The following LZIC variants were observed in gnomAD, a reference collection of about 807,000 sequenced individuals.
LZIC encodes protein LZIC.
LZIC carries 28 observed loss-of-function variants against 25.4 expected under a neutral mutation model. That is an observed-to-expected ratio of 1.10 (90% CI 0.82 to 1.51). LZIC has a LOEUF of 1.51. Among genes scored for constraint, LZIC ranks in the 40% most tolerant of loss-of-function variants. The probability of loss-of-function intolerance (pLI) is 0.00; values close to 1 mark genes in which losing one functional copy is unlikely to be tolerated. For missense variants in LZIC, 170 were observed against 211.1 expected (o/e 0.81, Z 1.21); for synonymous variants, 65 against 70.7 (o/e 0.92, Z 0.40).
In LZIC at chr1:9,926,473, TAAC is replaced by T. The variant is rs1639989409; in HGVS notation, c.*3923_*3925del. On this transcript the variant is annotated 3_prime_UTR_variant, in exon 8 of 8. Transcript: ENST00000377223. ...TCAGAGAAGATCTAAAAATCAAAGT[TAAC>T]AACCCATTTGTCCCAACTCTAACTC... is the stretch of plus-strand genomic sequence containing the variant. 6.6e-6 allele frequency among the ~76,000 whole-genome samples: 1 copy of T among 152,210 alleles called. No individual in the cohort carries two copies. The highest frequency in any genetic ancestry group is 1.5e-5 in the Non-Finnish European group (1 of 68,048).
intron 2 of LZIC, among the ~76,000 whole-genome samples, chr1:9,938,480 G>A (rs147197382): frequency 1.1e-4 from 16 of 152,170 alleles, no homozygotes; most frequent in African/African-American, 3.9e-4. Context: ...CTTTTAATAT[G>A]AATTTCTTCT....
At chr1:9,925,194 C>T (rs545846997), downstream of LZIC, among the ~76,000 whole-genome samples, 234 of 151,504 alleles carry the variant, frequency 1.5e-3, 1 homozygote, top group African/African-American at 5.4e-3. Flanking sequence ...GACATGGTGG[C>T]GCATGCCTGT....
chr1:9,933,283 A>AT (rs1426441601), intron 5 of LZIC, among the ~76,000 whole-genome samples: 5 of 58,372 alleles, frequency 8.6e-5, no homozygotes, highest in Admixed American at 3.2e-4. Flanking sequence ...AAAAAAAAAA[A>AT]ATATATATAT....
At chr1:9,922,733 A>T (rs1019348473), downstream of LZIC, among the ~76,000 whole-genome samples, 3 of 152,238 alleles carry the variant, frequency 2.0e-5, no homozygotes, top group African/African-American at 7.2e-5. Context: ...GGATGCAGGC[A>T]GGCCTCAAAC....
chr1:9,933,881 G>A lies in LZIC; in HGVS notation c.336+881C>T, dbSNP rs1265465292. Among the ~76,000 whole-genome samples the A allele has an allele frequency of 3.3e-5, 5 of 151,256 alleles. No homozygotes were observed. The South Asian group carries it at 6.3e-4, about 19-fold the overall frequency. ...GATTGCATTACTACACTGAGCCTGG[G>A]TGACAAAGTAAGACCCTGCCTCAAA... On this transcript the variant is annotated intron_variant, in intron 5 of 7. Transcript: ENST00000377223.
chr1:9,934,611 C>G, intron 5 of LZIC, 151 bp downstream of exon 5: 1 of 686,082 alleles, frequency 1.5e-6, no homozygotes, highest in Non-Finnish European at 2.6e-6. Context: ...TCATTATCAA[C>G]TATAATTGCT....
Position 9,935,620 on chromosome 1 carries a change from G to C in LZIC, c.109C>G (p.Leu37Val), listed in dbSNP as rs910592921. ...LQDLEECREE[L>V]DTDEYEETKK... ...GTTTCTTCATATTCATCTGTATCAA[G>C]TTCCTCTCTGAAATAGGTGAACATC... The change falls in exon 4 of 8, where the codon CTT becomes GTT. Residue 37 changes from leucine (L) to valine (V), a missense_variant. By Grantham distance (32) the Leu-to-Val change is conservative (BLOSUM62 1). Coordinates refer to ENST00000377223, the MANE Select transcript of LZIC (RefSeq NM_032368.5). 6.3e-7 allele frequency: 1 copy of C among 1,599,862 alleles called. No homozygotes were observed. The highest frequency in any genetic ancestry group is 8.5e-7 in the Non-Finnish European group (1 of 1,176,644).
rs936850106 is a variant in LZIC at position 9,926,773 on chromosome 1, G to A, written c.*3626C>T. Among the ~76,000 whole-genome samples the A allele has an allele frequency of 9.9e-5, 15 of 152,182 alleles. No homozygotes were observed. The highest frequency in any genetic ancestry group is 9.2e-4 in the Admixed American group (14 of 15,254). On this transcript the variant is annotated 3_prime_UTR_variant, in exon 8 of 8. Transcript: ENST00000377223. Reference sequence around the variant, plus strand: ...GAATGTTGAAAGGTTAGCTGCCTTAGCTTTATTGCTGCCTATAATCTCCAA... The same window carrying A: ...GAATGTTGAAAGGTTAGCTGCCTTAACTTTATTGCTGCCTATAATCTCCAA...
intron 5 of LZIC, among the ~76,000 whole-genome samples, chr1:9,933,853 C>A (rs971675074): frequency 6.6e-6 from 1 of 151,746 alleles, no homozygotes; most frequent in Admixed American, 6.6e-5. Flanking sequence ...TACAGTGAGC[C>A]GAGATTGCAT....
chr1:9,931,978 C>T lies in LZIC; in HGVS notation c.433-6G>A. 6.2e-7 allele frequency: 1 copy of T among 1,603,918 alleles called. No homozygotes were observed. The highest frequency in any genetic ancestry group is 2.2e-5 in the East Asian group (1 of 44,446). On this transcript the variant is annotated splice_polypyrimidine_tract_variant and splice_region_variant and intron_variant, in intron 6 of 7. Coordinates refer to ENST00000377223, the MANE Select transcript of LZIC (RefSeq NM_032368.5). ...GCCTCATCATCTGCAGTCAGCTAAACAAAATGAAACAAAGTCCAGTTGAGT... is the reference window on the plus strand; with the variant it reads ...GCCTCATCATCTGCAGTCAGCTAAATAAAATGAAACAAAGTCCAGTTGAGT...
In LZIC at chr1:9,928,265, A is replaced by G. The variant is rs562204601; in HGVS notation, c.*2134T>C. Among the ~76,000 whole-genome samples, 1 of 152,178 alleles carries G rather than the reference A, an allele frequency of 6.6e-6. No homozygotes were observed. Among genetic ancestry groups the G allele is most frequent in the East Asian group, 2.0e-4 (1 of 5,120 alleles). ...GAGGCAGAAGTTGTGGTGAGCCGAG[A>G]TCACGCCATTGCACTCCAGCCTGGG... is the stretch of plus-strand genomic sequence containing the variant. On this transcript the variant is annotated 3_prime_UTR_variant, in exon 8 of 8. Coordinates refer to ENST00000377223, the MANE Select transcript of LZIC (RefSeq NM_032368.5).
chr1:9,939,709 A>T (rs986933922), intron 2 of LZIC, among the ~76,000 whole-genome samples: 1 of 152,106 alleles, frequency 6.6e-6, no homozygotes, highest in African/African-American at 2.4e-5. Flanking sequence ...ATATATCTCG[A>T]TAACTGATAA....
chr1:9,927,468 AT>A lies in LZIC; in HGVS notation c.*2930del, dbSNP rs781547373. ...AAGTGCATGCCATCACGCCTGGCTA[AT>A]TTTTTTTTTTTTTTTAGAGACAGGG... On this transcript the variant is annotated 3_prime_UTR_variant, in exon 8 of 8. Transcript: ENST00000377223. 0.02 allele frequency among the ~76,000 whole-genome samples: 2,746 copies of A among 140,216 alleles called. 20 individuals carry two copies. The highest frequency in any genetic ancestry group is 0.031 in the Middle Eastern group (8 of 260). The allele number at this position is 140,216 out of a possible 152,430, so 92.0% of individuals were successfully genotyped here.
rs560474840 is a variant in LZIC, at chr1:9,928,207, G to A, written c.*2192C>T. ...CGCATGCCTTAATCCCAGCTACTCGGGAGGCTGAGGCAGGAGAATCGCTTG... is the reference window on the plus strand; with the variant it reads ...CGCATGCCTTAATCCCAGCTACTCGAGAGGCTGAGGCAGGAGAATCGCTTG... On this transcript the variant is annotated 3_prime_UTR_variant, in exon 8 of 8. Coordinates refer to ENST00000377223, the MANE Select transcript of LZIC (RefSeq NM_032368.5). 6.6e-6 allele frequency among the ~76,000 whole-genome samples: 1 copy of A among 152,194 alleles called. No individual in the cohort carries two copies. Among genetic ancestry groups the A allele is most frequent in the South Asian group, 2.1e-4 (1 of 4,818 alleles).
chr1:9,936,462 G>T, intron 3 of LZIC, 57 bp downstream of exon 3: 1 of 1,082,554 alleles, frequency 9.2e-7, no homozygotes, highest in Non-Finnish European at 1.4e-6. Flanking sequence ...CATCCACGGA[G>T]CTAGCTGCAG....
chr1:9,933,672 G>A (rs1475247156), intron 5 of LZIC, among the ~76,000 whole-genome samples: 1 of 152,112 alleles, frequency 6.6e-6, no homozygotes, highest in Non-Finnish European at 1.5e-5. Flanking sequence ...TTGGAAGGCT[G>A]AGGTGGGTGG....
rs770147928 is a variant in LZIC at position 9,928,287 on chromosome 1, T to G, written c.*2112A>C. ...GAGATCACGCCATTGCACTCCAGCC[T>G]GGGCAACAGAGTGAAACTCCATCTC... On this transcript the variant is annotated 3_prime_UTR_variant, in exon 8 of 8. Transcript: ENST00000377223. Among the ~76,000 whole-genome samples, 2 of 152,050 alleles carry G rather than the reference T, an allele frequency of 1.3e-5. No individual in the cohort carries two copies. The highest frequency in any genetic ancestry group is 2.9e-5 in the Non-Finnish European group (2 of 68,022).
intron 2 of LZIC, 104 bp from the exon 3 acceptor site, chr1:9,936,731 G>A: frequency 1.3e-6 from 1 of 743,486 alleles, no homozygotes; most frequent in Non-Finnish European, 2.2e-6. Flanking sequence ...TGTTGCCCAG[G>A]CTGGTCTCGG....
intron 6 of LZIC, 115 bp downstream of exon 6, chr1:9,932,688 A>AAC: frequency 2.2e-6 from 1 of 445,382 alleles, no homozygotes; most frequent in Non-Finnish European, 3.8e-6. Flanking sequence ...CGTCTCAGAA[A>AAC]AAAAAAAAAA....
Sources: gnomAD v4.1 joint callset for allele counts (sites outside exome capture counted in the v4.1 genomes callset) on GRCh38, gnomAD v4.1.1 for gene constraint, MANE v1.5 for transcripts, NCBI Gene and HGNC (gene_info 2026-07-23, HGNC 2026-07-21) for gene names.